ZSWIM4: variants seen among roughly 807,000 people sequenced by gnomAD.
ZSWIM4 encodes the protein zinc finger SWIM domain-containing protein 4.
Under a neutral mutation model 102.5 loss-of-function variants are expected in ZSWIM4, and 62 were observed. The observed-to-expected ratio is 0.60, with a 90% CI of 0.49 to 0.75. The LOEUF (loss-of-function observed/expected upper bound fraction) is 0.75. Among genes scored for constraint, ZSWIM4 ranks in the 30% least tolerant of loss-of-function variants. The pLI is 0.00. For missense variants in ZSWIM4, 1,280 were observed against 1,529.6 expected (o/e 0.84, Z 2.72); for synonymous variants, 652 against 674.5 (o/e 0.97, Z 0.52).
chr19:13,812,065 ACT>A (rs1005247898), intron 5 of ZSWIM4, among the ~76,000 whole-genome samples: 19 of 151,808 alleles, frequency 1.3e-4, no homozygotes, highest in Non-Finnish European at 1.8e-4. Context: ...ACAGAGTGAG[ACT>A]CTGTCTCAAA....
intron 2 of ZSWIM4, among the ~76,000 whole-genome samples, chr19:13,801,067 C>T (rs1254122112): frequency 1.3e-5 from 2 of 151,352 alleles, no homozygotes; most frequent in Non-Finnish European, 2.9e-5. Context: ...CGCTTTTGCC[C>T]GAGAGGTCGA....
rs745525230 is a variant in ZSWIM4, at chr19:13,830,951, C to T, written c.3222C>T (p.Pro1074=). ...CCCGGGAGACCTTCCTGCTGGCGCC[C>T]GACGGGCACCTCCAGTTCTCACAGT... ...GKARETFLLA[P]DGHLQFSQFL... is the part of the protein sequence containing the mutation. Residue 1074 remains proline (P), a synonymous_variant, in exon 14 of 14, where the codon CCC becomes CCT. Coordinates refer to ENST00000590508, the MANE Select transcript of ZSWIM4 (RefSeq NM_001367834.3). 1.4e-5 allele frequency: 23 copies of T among 1,614,142 alleles called. No homozygotes were observed. Among genetic ancestry groups the T allele is most frequent in the Non-Finnish European group, 1.8e-5 (21 of 1,180,018 alleles).
intron 9 of ZSWIM4, among the ~76,000 whole-genome samples, chr19:13,818,941 G>A (rs1253255506): frequency 1.4e-5 from 2 of 144,342 alleles, no homozygotes; most frequent in African/African-American, 5.3e-5. Context: ...TCGGCTCACT[G>A]CACCCTCCGA....
At chr19:13,817,428 C>A in intron 8 of ZSWIM4, 75 bp downstream of exon 8, 1 of 1,547,388 alleles carries the variant, frequency 6.5e-7, no homozygotes, top group Non-Finnish European at 8.8e-7. Context: ...CCCAGTACCC[C>A]TATAAGGTAA....
intron 10 of ZSWIM4, among the ~76,000 whole-genome samples, chr19:13,822,979 CAAA>C (rs113776275): frequency 8.9e-6 from 1 of 112,954 alleles, no homozygotes. Flanking sequence ...AACTCCGTCT[CAAA>C]AAAAAAAAAA....
chr19:13,813,219 G>GC, intron 6 of ZSWIM4, 55 bp downstream of exon 6: 7 of 1,419,646 alleles, frequency 4.9e-6, no homozygotes, highest in Non-Finnish European at 5.8e-6. Flanking sequence ...ACTAACTGTG[G>GC]CCCCACTTAC....
At position 13,799,763 on chromosome 19, in the gene ZSWIM4, G is replaced by A. The variant is rs1278398915; in HGVS notation, c.197G>A (p.Arg66His). Residue 66 changes from arginine (R) to histidine (H), a missense_variant, in exon 2 of 14, where the codon CGC (arginine) becomes CAC (histidine). By Grantham distance (29) the Arg-to-His change is conservative. Transcript: ENST00000590508. ...CGGGTGCCTGAGCCCGTCCAGAAGC[G>A]CATCGTGTTTTGGTCGTTTCCACGC... ...FSRVPEPVQKRIVFWSFPRSE... is the reference protein window; with the variant it reads ...FSRVPEPVQKHIVFWSFPRSE... The A allele has an allele frequency of 3.7e-6, 6 of 1,613,900 alleles. No homozygotes were observed. The highest frequency in any genetic ancestry group is 2.2e-5 in the South Asian group (2 of 91,090).
intron 1 of ZSWIM4, among the ~76,000 whole-genome samples, chr19:13,796,388 C>T (rs1226368577): frequency 2.0e-5 from 3 of 152,076 alleles, no homozygotes; most frequent in Non-Finnish European, 4.4e-5. Context: ...CCGTACACCC[C>T]AAGTAAATAA....
chr19:13,819,617 C>G (rs959963050), intron 10 of ZSWIM4, 125 bp downstream of exon 10: 19 of 1,032,458 alleles, frequency 1.8e-5, no homozygotes, highest in East Asian at 2.9e-5. Context: ...GTCTCTCTCA[C>G]CCTGGCATTT....
chr19:13,819,847 G>GA (rs1410538594), intron 10 of ZSWIM4, among the ~76,000 whole-genome samples: 2 of 106,674 alleles, frequency 1.9e-5, no homozygotes, highest in Non-Finnish European at 4.0e-5. Context: ...TTTGTTTTTT[G>GA]TTTTTTTTTT....
At chr19:13,824,120 G>A in intron 11 of ZSWIM4, among the ~76,000 whole-genome samples, 1 of 151,792 alleles carries the variant, frequency 6.6e-6, no homozygotes, top group Non-Finnish European at 1.5e-5. Context: ...GAGAGGGAGA[G>A]AGAGGAGTCA....
intron 5 of ZSWIM4, among the ~76,000 whole-genome samples, chr19:13,812,144 A>G (rs1326296957): frequency 6.6e-6 from 1 of 152,158 alleles, no homozygotes; most frequent in Non-Finnish European, 1.5e-5. Flanking sequence ...AGGCTAATCA[A>G]AAATAAAGGG....
chr19:13,800,304 C>T (rs1476893573), intron 2 of ZSWIM4, among the ~76,000 whole-genome samples: 4 of 66,608 alleles, frequency 6.0e-5, no homozygotes, highest in Non-Finnish European at 1.1e-4. Flanking sequence ...CTCGCTTTTT[C>T]GCCCAGGCCG....
At position 13,795,773 on chromosome 19, in the gene ZSWIM4, G is replaced by C; in HGVS notation, c.125G>C (p.Arg42Pro). Residue 42 changes from arginine to proline, a missense_variant, in exon 1 of 14, where the codon CGG (arginine) becomes CCG (proline). By Grantham distance (103) the Arg-to-Pro change is moderately radical (BLOSUM62 -2). Transcript: ENST00000590508. Reference protein sequence around the residue: ...PEALLDLSAKRVAESWAFEQV... With the variant: ...PEALLDLSAKPVAESWAFEQV... ...GCGCTGCTGGACCTCAGCGCCAAGC[G>C]GGTAGCCGAGAGCTGGGCCTTCGAG... 8.0e-7 allele frequency: 1 copy of C among 1,250,028 alleles called. No homozygotes were observed. The highest frequency in any genetic ancestry group is 3.7e-5 in the South Asian group (1 of 26,940). 77.4% of individuals were successfully genotyped at this position (1,250,028 alleles called of 1,614,324 possible).
intron 2 of ZSWIM4, among the ~76,000 whole-genome samples, 158 bp from the exon 3 acceptor site, chr19:13,804,634 G>A (rs1309050190): frequency 1.3e-5 from 2 of 151,282 alleles, no homozygotes; most frequent in African/African-American, 4.9e-5. Context: ...GCCACAGAGC[G>A]AGATTTTGTT....
chr19:13,821,888 C>G (rs1010235998), intron 10 of ZSWIM4, among the ~76,000 whole-genome samples: 2 of 152,090 alleles, frequency 1.3e-5, no homozygotes, highest in East Asian at 1.9e-4. Context: ...AGTCACCCAC[C>G]ACCACGCCTG....
At chr19:13,817,479 T>C in intron 8 of ZSWIM4, 126 bp downstream of exon 8, 2 of 1,327,412 alleles carry the variant, frequency 1.5e-6, no homozygotes, top group Non-Finnish European at 2.1e-6. Flanking sequence ...TACCCTTGGC[T>C]ACCTCCTCTG....
At position 13,830,440 on chromosome 19, in the gene ZSWIM4, C is replaced by T. The variant is rs750257502; in HGVS notation, c.2711C>T (p.Ala904Val). ...LCEKNHSAFE[A>V]AYQIVLDAAA... The stretch of plus-strand genomic sequence containing the variant: ...GAGAAGAACCACTCGGCCTTCGAGG[C>T]GGCCTACCAGATCGTGCTGGACGCG... Residue 904 changes from alanine to valine, a missense_variant, in exon 14 of 14, where the codon GCG becomes GTG. Ala to Val is a moderately conservative substitution (Grantham distance 64, BLOSUM62 0). Transcript: ENST00000590508. 8.1e-6 allele frequency: 13 copies of T among 1,608,470 alleles called. No individual in the cohort carries two copies. Among genetic ancestry groups the T allele is most frequent in the Non-Finnish European group, 1.1e-5 (13 of 1,179,900 alleles).
At chr19:13,824,058 G>A (rs1041857783) in intron 11 of ZSWIM4, among the ~76,000 whole-genome samples, 1 of 151,262 alleles carries the variant, frequency 6.6e-6, no homozygotes, top group African/African-American at 2.4e-5. Flanking sequence ...AGAGAGAGGA[G>A]GCTGGGAGAG....
Sources: gnomAD v4.1 joint callset for allele counts (sites outside exome capture counted in the v4.1 genomes callset) on GRCh38, gnomAD v4.1.1 for gene constraint, MANE v1.5 for transcripts, NCBI Gene and HGNC (gene_info 2026-07-23, HGNC 2026-07-21) for gene names.